TMPRSS4: variants seen among roughly 807,000 people sequenced by gnomAD.
TMPRSS4 encodes transmembrane serine protease 4, also known as transmembrane protease serine 4.
Under a neutral mutation model 56.4 loss-of-function variants are expected in TMPRSS4, and 45 were observed. That is an observed-to-expected ratio of 0.80 (90% CI 0.63 to 1.02). TMPRSS4 has a LOEUF of 1.02. Ranked by LOEUF, TMPRSS4 falls within the 50% of genes least tolerant of loss-of-function variation. The probability of loss-of-function intolerance (pLI) is 0.00; values close to 1 mark genes in which losing one functional copy is unlikely to be tolerated. For missense variants in TMPRSS4, 546 were observed against 556.7 expected (o/e 0.98, Z 0.19); for synonymous variants, 205 against 211.0 (o/e 0.97, Z 0.25).
At chr11:118,091,484 T>A (rs1319116501) in intron 1 of TMPRSS4, among the ~76,000 whole-genome samples, 1 of 152,054 alleles carries the variant, frequency 6.6e-6, no homozygotes, top group Non-Finnish European at 1.5e-5. Context: ...TCTTTTCTGG[T>A]TTATCTGTTT....
chr11:118,124,017 A>T (rs1202681600), downstream of TMPRSS4, among the ~76,000 whole-genome samples: 1 of 152,174 alleles, frequency 6.6e-6, no homozygotes, highest in Non-Finnish European at 1.5e-5. Flanking sequence ...ATAGTTAAGT[A>T]AGAAAGATAT....
At chr11:118,113,081 T>A (rs1481505510) in intron 8 of TMPRSS4, among the ~76,000 whole-genome samples, 188 bp from the exon 9 acceptor site, 1 of 152,134 alleles carries the variant, frequency 6.6e-6, no homozygotes, top group East Asian at 1.9e-4. Flanking sequence ...GTCAAATCCC[T>A]TTTTCGAATT....
At chr11:118,099,603 C>T (rs567782877) in intron 3 of TMPRSS4, among the ~76,000 whole-genome samples, 2 of 152,314 alleles carry the variant, frequency 1.3e-5, no homozygotes, top group African/African-American at 2.4e-5. Context: ...TCCCAGGTGA[C>T]TTCTTCTAGA....
Position 118,113,419 on chromosome 11 carries a change from C to A in TMPRSS4, c.894C>A (p.Phe298Leu). 1 of 1,614,102 alleles carries A rather than the reference C, an allele frequency of 6.2e-7. No homozygotes were observed. Among genetic ancestry groups the A allele is most frequent in the Non-Finnish European group, 8.5e-7 (1 of 1,179,978 alleles). ...ACATCGCCCTCATGAAGCTGCAGTT[C>A]CCACTCACTTTCTCAGGTGAGAAGC... ...DNDIALMKLQ[F>L]PLTFSGTVRP... is the part of the protein sequence containing the mutation. The change falls in exon 9 of 13, where the codon TTC becomes TTA. Residue 298 changes from phenylalanine to leucine, a missense_variant. By Grantham distance (22) the Phe-to-Leu change is conservative (BLOSUM62 0). Coordinates refer to ENST00000437212, the MANE Select transcript of TMPRSS4 (RefSeq NM_019894.4).
At chr11:118,102,995 C>T in intron 3 of TMPRSS4, 106 bp from the exon 4 acceptor site, 1 of 1,453,750 alleles carries the variant, frequency 6.9e-7, no homozygotes, top group Non-Finnish European at 9.4e-7. Context: ...CTGGAACTCA[C>T]ACATGCGTGT....
Position 118,111,592 on chromosome 11 carries a change from A to G in TMPRSS4, c.584-149A>G, listed in dbSNP as rs1947280581. 5 of 563,076 alleles carry G rather than the reference A, an allele frequency of 8.9e-6. No individual in the cohort carries two copies. In the South Asian group the frequency reaches 1.1e-4, roughly 12 times the overall value. 34.9% of individuals were successfully genotyped at this position (563,076 alleles called of 1,614,324 possible). The stretch of plus-strand genomic sequence containing the variant: ...TGGTCTGGGACACTCAATACCTCCC[A>G]TGAATATCTCATATTGGGCTGGTCC... On this transcript the variant is annotated intron_variant, in intron 7 of 12. Transcript: ENST00000437212.
rs1947368708 is a variant in TMPRSS4, at chr11:118,113,281, T to C, written c.756T>C (p.Asp252=). 6 of 1,613,910 alleles carry C rather than the reference T, an allele frequency of 3.7e-6. No homozygotes were observed. The highest frequency in any genetic ancestry group is 4.5e-5 in the East Asian group (2 of 44,848). The part of the protein sequence containing the change: ...TAAHCFRKHT[D]VFNWKVRAGS... ...TCTCTACCCCCAGGAAACATACCGA[T>C]GTGTTCAACTGGAAGGTGCGGGCAG... The change falls in exon 9 of 13, where the codon GAT becomes GAC. Residue 252 remains aspartate (D), a synonymous_variant. Coordinates refer to ENST00000437212, the MANE Select transcript of TMPRSS4 (RefSeq NM_019894.4).
intron 9 of TMPRSS4, 136 bp downstream of exon 9, chr11:118,113,571 T>A: frequency 1.0e-6 from 1 of 961,438 alleles, no homozygotes; most frequent in Non-Finnish European, 1.5e-6. Context: ...CTCTAATACG[T>A]CAGCCTAACA....
At chr11:118,107,035 T>C (rs1448916139) in intron 5 of TMPRSS4, 2 of 152,196 alleles carry the variant, frequency 1.3e-5, no homozygotes, top group Non-Finnish European at 1.5e-5. Context: ...GGAGAGCTTC[T>C]ACTAACATTA....
In TMPRSS4 at chr11:118,118,173, C is replaced by T. The variant is rs1354240943; in HGVS notation, c.*260C>T. 1 of 1,408,698 alleles carries T rather than the reference C, an allele frequency of 7.1e-7. No homozygotes were observed. Among genetic ancestry groups the T allele is most frequent in the Non-Finnish European group, 9.2e-7 (1 of 1,085,040 alleles). The allele number at this position is 1,408,698 out of a possible 1,614,324, so 87.3% of individuals were successfully genotyped here. A position where few individuals can be genotyped will look rare whatever the true frequency, so the allele number is the denominator to read the frequency against. On this transcript the variant is annotated 3_prime_UTR_variant, in exon 13 of 13. Coordinates refer to ENST00000437212, the MANE Select transcript of TMPRSS4 (RefSeq NM_019894.4). ...CCAGGGAGAGACACAGCCCACTGAA[C>T]AAGGTCTCAGGGGTATTGCTAAGCC...
chr11:118,104,620 A>T, intron 4 of TMPRSS4, 71 bp from the exon 5 acceptor site: 2 of 1,609,560 alleles, frequency 1.2e-6, no homozygotes, highest in Admixed American at 1.7e-5. Flanking sequence ...GGCTGGTCTC[A>T]TGATGAGTTC....
intron 1 of TMPRSS4, among the ~76,000 whole-genome samples, chr11:118,081,052 C>T (rs1348911335): frequency 6.6e-6 from 1 of 152,204 alleles, no homozygotes; most frequent in East Asian, 1.9e-4. Flanking sequence ...TAGCCGCAAA[C>T]CTAGCACAGG....
chr11:118,080,545 G>T (rs768650201), intron 1 of TMPRSS4, among the ~76,000 whole-genome samples: 2 of 152,108 alleles, frequency 1.3e-5, no homozygotes, highest in African/African-American at 4.8e-5. Flanking sequence ...GGGCTCCTGC[G>T]TGACCCCAGG....
chr11:118,105,786 C>T (rs570361609), intron 5 of TMPRSS4: 37 of 152,292 alleles, frequency 2.4e-4, no homozygotes, highest in Admixed American at 2.4e-3. Flanking sequence ...AACAAACAAA[C>T]AAACAAAAAC....
At chr11:118,104,109 A>G (rs187756574) in intron 4 of TMPRSS4, among the ~76,000 whole-genome samples, 174 of 152,226 alleles carry the variant, frequency 1.1e-3, no homozygotes, top group African/African-American at 4.0e-3. Context: ...AGAAAAAAAG[A>G]TAGGTAGGAG....
intron 9 of TMPRSS4, 51 bp downstream of exon 9, chr11:118,113,486 C>T: frequency 6.3e-7 from 1 of 1,594,038 alleles, no homozygotes. Context: ...AGTTTTCACG[C>T]CCACTCTGCT....
downstream of TMPRSS4, among the ~76,000 whole-genome samples, chr11:118,122,956 A>G (rs1003201072): frequency 1.3e-5 from 2 of 152,148 alleles, no homozygotes; most frequent in Non-Finnish European, 2.9e-5. Context: ...CCATGTGAGG[A>G]CATAGCAACA....
At chr11:118,086,412 T>C (rs919841051) in intron 1 of TMPRSS4, among the ~76,000 whole-genome samples, 2 of 152,234 alleles carry the variant, frequency 1.3e-5, no homozygotes, top group Non-Finnish European at 2.9e-5. Context: ...CAAGGCAAAA[T>C]GGTTTCTAAT....
chr11:118,113,478 T>C, intron 9 of TMPRSS4, 43 bp downstream of exon 9: 1 of 1,600,898 alleles, frequency 6.2e-7, no homozygotes, highest in East Asian at 2.2e-5. Context: ...CTTACATCAG[T>C]TTTCACGCCC....
Sources: gnomAD v4.1 joint callset for allele counts (sites outside exome capture counted in the v4.1 genomes callset) on GRCh38, gnomAD v4.1.1 for gene constraint, MANE v1.5 for transcripts, NCBI Gene and HGNC (gene_info 2026-07-23, HGNC 2026-07-21) for gene names.